The following DOCK1 variants were observed in gnomAD, a reference collection of about 807,000 sequenced individuals.
DOCK1 encodes the protein dedicator of cytokinesis protein 1.
A neutral mutation model predicts 262.7 loss-of-function variants in DOCK1; 138 were observed. The observed-to-expected ratio is 0.53, with a 90% CI of 0.46 to 0.61. DOCK1 has a LOEUF of 0.61. Ranked by LOEUF, DOCK1 falls within the 20% of genes least tolerant of loss-of-function variation. The pLI is 0.00. For synonymous variants in DOCK1, 866 were observed against 867.4 expected, an observed-to-expected ratio of 1.00 and a Z score of 0.03; for missense variants, 1,908 against 2,370.7, an observed-to-expected ratio of 0.80 and a Z score of 4.05.
chr10:127,122,066 G>A (rs543544167), intron 25 of DOCK1, among the ~76,000 whole-genome samples: 4 of 152,292 alleles, frequency 2.6e-5, no homozygotes, highest in Admixed American at 6.5e-5. Context: ...TTCCGATAAC[G>A]GGGCATTGGA....
At chr10:127,443,008 G>A (rs529098689) in intron 49 of DOCK1, among the ~76,000 whole-genome samples, 7 of 152,290 alleles carry the variant, frequency 4.6e-5, no homozygotes, top group East Asian at 1.9e-4. Context: ...GAAACTCATT[G>A]TCTCCCAGTT....
chr10:127,444,565 C>A (rs1346728830), intron 50 of DOCK1, among the ~76,000 whole-genome samples: 1 of 152,160 alleles, frequency 6.6e-6, no homozygotes, highest in Non-Finnish European at 1.5e-5. Context: ...CGTGGAACCA[C>A]CACACTTTCT....
chr10:127,109,797 G>A (rs1320208410), intron 24 of DOCK1, among the ~76,000 whole-genome samples: 1 of 151,874 alleles, frequency 6.6e-6, no homozygotes, highest in Non-Finnish European at 1.5e-5. Context: ...TACTTTTTCA[G>A]TATAATGAAC....
At chr10:127,382,172 G>A (rs1395242795) in intron 37 of DOCK1, among the ~76,000 whole-genome samples, 1 of 152,166 alleles carries the variant, frequency 6.6e-6, no homozygotes, top group Non-Finnish European at 1.5e-5. Context: ...CTCATTCAAG[G>A]AGTCATGTTT....
At chr10:127,043,188 A>G (rs2044132095) in intron 21 of DOCK1, 24 bp downstream of exon 21, 6 of 1,535,768 alleles carry the variant, frequency 3.9e-6, no homozygotes, top group Non-Finnish European at 5.4e-6. Flanking sequence ...TTGTTTTAAA[A>G]CCAATACTTC....
At chr10:126,963,847 C>T (rs2037467830) in intron 1 of DOCK1, among the ~76,000 whole-genome samples, 2 of 152,020 alleles carry the variant, frequency 1.3e-5, no homozygotes, top group Non-Finnish European at 2.9e-5. Context: ...TCAGGCTCAT[C>T]TCTCTAGGAG....
intron 13 of DOCK1, among the ~76,000 whole-genome samples, chr10:127,022,279 C>T (rs113323264): frequency 0.033 from 4,964 of 152,080 alleles, 268 homozygotes; most frequent in African/African-American, 0.11. Context: ...TCCCTAGACC[C>T]GTTTTTCCTC....
At chr10:127,039,533 C>T (rs2043878687) in intron 19 of DOCK1, among the ~76,000 whole-genome samples, 1 of 152,172 alleles carries the variant, frequency 6.6e-6, no homozygotes, top group Admixed American at 6.5e-5. Context: ...CCTGTGCGTG[C>T]TGGTACCACG....
chr10:127,446,648 A>G lies in DOCK1; in HGVS notation c.5414-746A>G, dbSNP rs544357418. 4.9e-4 allele frequency among the ~76,000 whole-genome samples: 75 copies of G among 152,258 alleles called. No homozygotes were observed. Among genetic ancestry groups the G allele is most frequent in the African/African-American group, 1.7e-3 (71 of 41,554 alleles). On this transcript the variant is annotated intron_variant, in intron 50 of 51. Transcript: ENST00000623213. This position sits in a 1 kb window ranked among gnomAD's most constrained non-coding sequence, Gnocchi z 4.4. Reference sequence around the variant, plus strand: ...TTTCATCAGATGAATCCTAGGGGAAAACTCCAAAAGAGACTCATCAGTAAA... The same window carrying G: ...TTTCATCAGATGAATCCTAGGGGAAGACTCCAAAAGAGACTCATCAGTAAA...
intron 27 of DOCK1, among the ~76,000 whole-genome samples, chr10:127,227,704 T>C (rs1413856698): frequency 6.6e-6 from 1 of 152,234 alleles, no homozygotes; most frequent in Admixed American, 6.5e-5. Flanking sequence ...GCCACAGGGA[T>C]GTGCAACTTT....
At chr10:127,261,142 C>CAT (rs1421743011) in intron 29 of DOCK1, among the ~76,000 whole-genome samples, 6 of 54,282 alleles carry the variant, frequency 1.1e-4, no homozygotes, top group African/African-American at 3.8e-4. Context: ...CATGTGTGTG[C>CAT]GTGTGTACCC....
chr10:127,006,704 A>T (rs1300682160), intron 10 of DOCK1, among the ~76,000 whole-genome samples: 1 of 152,098 alleles, frequency 6.6e-6, no homozygotes, highest in Admixed American at 6.5e-5. Flanking sequence ...TCAGGCTCTG[A>T]TTGCGTTTCC....
intron 12 of DOCK1, among the ~76,000 whole-genome samples, chr10:127,018,378 C>T (rs1043351882): frequency 1.3e-5 from 2 of 152,164 alleles, no homozygotes; most frequent in Non-Finnish European, 2.9e-5. Flanking sequence ...AAAAGGTGGC[C>T]TGCTGATTTA....
At chr10:127,230,615 G>A (rs900740492) in intron 27 of DOCK1, among the ~76,000 whole-genome samples, 1 of 151,988 alleles carries the variant, frequency 6.6e-6, no homozygotes, top group Non-Finnish European at 1.5e-5. Flanking sequence ...CTGTTTCATT[G>A]GTCGATGAGT....
intron 1 of DOCK1, among the ~76,000 whole-genome samples, chr10:126,954,713 A>T (rs2036592507): frequency 6.6e-6 from 1 of 152,032 alleles, no homozygotes; most frequent in Non-Finnish European, 1.5e-5. Context: ...GGCTTATTTC[A>T]CTCAGCACAA....
At chr10:127,279,267 C>T (rs896928727) in intron 29 of DOCK1, among the ~76,000 whole-genome samples, 1 of 152,144 alleles carries the variant, frequency 6.6e-6, no homozygotes, top group African/African-American at 2.4e-5. Flanking sequence ...TTTATTGTGT[C>T]TTTAGGGCAG....
intron 27 of DOCK1, among the ~76,000 whole-genome samples, chr10:127,153,423 C>T (rs1198499709): frequency 1.2e-4 from 19 of 152,296 alleles, no homozygotes; most frequent in Non-Finnish European, 1.5e-5. Context: ...CGAGAGTTCC[C>T]AGGAAATGAA....
At chr10:127,160,533 T>C (rs894588015) in intron 27 of DOCK1, among the ~76,000 whole-genome samples, 2 of 152,184 alleles carry the variant, frequency 1.3e-5, no homozygotes, top group African/African-American at 4.8e-5. Context: ...AAATGCCTTG[T>C]TAATTTTCAG....
intron 29 of DOCK1, among the ~76,000 whole-genome samples, chr10:127,294,650 A>G (rs1564971081): frequency 7.8e-6 from 1 of 127,574 alleles, no homozygotes; most frequent in Admixed American, 8.4e-5. Flanking sequence ...GAGTTGTCCT[A>G]TTTTTTTTTT....
Sources: gnomAD v4.1 joint callset for allele counts (sites outside exome capture counted in the v4.1 genomes callset) on GRCh38, gnomAD v4.1.1 for gene constraint, Gnocchi (gnomAD v3.1) non-coding constraint, MANE v1.5 for transcripts, NCBI Gene and HGNC (gene_info 2026-07-23, HGNC 2026-07-21) for gene names.